Variants in GRIA4 observed in about 807,000 individuals in gnomAD.
GRIA4 encodes the protein glutamate receptor 4.
A neutral mutation model predicts 104.0 loss-of-function variants in GRIA4; 34 were observed. That is an observed-to-expected ratio of 0.33 (90% CI 0.25 to 0.44). GRIA4 has a LOEUF of 0.44. GRIA4 is among the 20% of genes least tolerant of loss of function. The probability of loss-of-function intolerance (pLI) is 1.00; values close to 1 mark genes in which losing one functional copy is unlikely to be tolerated. For synonymous variants in GRIA4, 386 were observed against 381.9 expected (o/e 1.01, Z -0.13); for missense variants, 750 against 1,096.5 (o/e 0.68, Z 4.46).
intron 14 of GRIA4, among the ~76,000 whole-genome samples, chr11:105,955,915 GTCT>G (rs1390685069): frequency 6.6e-6 from 1 of 152,066 alleles, no homozygotes; most frequent in Non-Finnish European, 1.5e-5. Flanking sequence ...CTGTGTAAAT[GTCT>G]TCTTTTGAGA....
At chr11:105,763,048 CTTAAG>C (rs1198109552) in intron 4 of GRIA4, among the ~76,000 whole-genome samples, 2 of 152,050 alleles carry the variant, frequency 1.3e-5, no homozygotes, top group African/African-American at 4.8e-5. Flanking sequence ...ATGGTGCTAA[CTTAAG>C]TTGAGTAAGA....
intron 4 of GRIA4, among the ~76,000 whole-genome samples, chr11:105,776,269 T>G (rs952361891): frequency 6.6e-6 from 1 of 152,146 alleles, no homozygotes; most frequent in Non-Finnish European, 1.5e-5. Context: ...TTTATTACAC[T>G]ATTATTTATG....
intron 4 of GRIA4, among the ~76,000 whole-genome samples, chr11:105,756,163 C>A (rs1005081264): frequency 2.0e-5 from 3 of 152,106 alleles, no homozygotes; most frequent in Non-Finnish European, 4.4e-5. Context: ...AGGAGGATGA[C>A]AAAGCAGATA....
At position 105,794,469 on chromosome 11, in the gene GRIA4, G is replaced by GTATATATATATATATA. The variant is rs1200611859; in HGVS notation, c.487+41252_487+41253insATATATATATATATAT. 1.5e-3 allele frequency among the ~76,000 whole-genome samples: 60 copies of GTATATATATATATATA among 40,754 alleles called. 9 individuals carry two copies. The highest frequency in any genetic ancestry group is 2.5e-3 in the East Asian group (3 of 1,182). The allele number at this position is 40,754 out of a possible 152,430, so 26.7% of individuals were successfully genotyped here. A position where few individuals can be genotyped will look rare whatever the true frequency, so the allele number is the denominator to read the frequency against. Reference sequence around the variant, plus strand: ...TGTGTGTGTCTGTGTGTGTGTATATGTATGTATATATATATATATATATAT... The same window carrying GTATATATATATATATA: ...TGTGTGTGTCTGTGTGTGTGTATATGTATATATATATATATATATGTATATATATATATATATATAT... On this transcript the variant is annotated intron_variant, in intron 4 of 16. Transcript: ENST00000282499.
At chr11:105,830,455 A>G (rs1943933040) in intron 4 of GRIA4, among the ~76,000 whole-genome samples, 1 of 152,042 alleles carries the variant, frequency 6.6e-6, no homozygotes, top group Non-Finnish European at 1.5e-5. Flanking sequence ...TGGAGGCTCC[A>G]CTTAAGATGA....
chr11:105,708,287 A>G (rs1267209557), intron 3 of GRIA4, among the ~76,000 whole-genome samples: 1 of 152,120 alleles, frequency 6.6e-6, no homozygotes, highest in African/African-American at 2.4e-5. Context: ...AATACCAGAA[A>G]CAAATGAGAT....
At chr11:105,954,766 GA>G (rs1948540851) in intron 14 of GRIA4, among the ~76,000 whole-genome samples, 2 of 151,772 alleles carry the variant, frequency 1.3e-5, no homozygotes, top group East Asian at 3.9e-4. Flanking sequence ...CCCCAATTTA[GA>G]AAAACCTGAT....
intron 3 of GRIA4, among the ~76,000 whole-genome samples, chr11:105,732,301 G>T (rs1938648426): frequency 6.6e-6 from 1 of 152,128 alleles, no homozygotes; most frequent in African/African-American, 2.4e-5. Context: ...GATGTGGGTG[G>T]CCCAAACATA....
intron 3 of GRIA4, among the ~76,000 whole-genome samples, chr11:105,737,265 C>T (rs563680040): frequency 6.6e-6 from 1 of 152,136 alleles, no homozygotes; most frequent in South Asian, 2.1e-4. Flanking sequence ...AATTTGAATA[C>T]AGCCAAAAAA....
intron 13 of GRIA4, among the ~76,000 whole-genome samples, chr11:105,928,317 G>C (rs1189581004): frequency 6.6e-6 from 1 of 151,936 alleles, no homozygotes; most frequent in African/African-American, 2.4e-5. Context: ...TATAATCTAA[G>C]ATGTATAAGT....
chr11:105,801,773 A>G, intron 4 of GRIA4, among the ~76,000 whole-genome samples: 1 of 152,256 alleles, frequency 6.6e-6, no homozygotes, highest in Middle Eastern at 3.4e-3. Context: ...AATAAGTGTT[A>G]TAATGAAAAT....
intron 3 of GRIA4, among the ~76,000 whole-genome samples, chr11:105,690,916 TC>T (rs1336693891): frequency 3.3e-5 from 5 of 152,232 alleles, no homozygotes; most frequent in African/African-American, 1.2e-4. Context: ...CCAATCTTTT[TC>T]TTCTTCCTCT....
intron 14 of GRIA4, among the ~76,000 whole-genome samples, chr11:105,937,763 G>GA (rs1186758918): frequency 6.6e-6 from 1 of 151,584 alleles, no homozygotes; most frequent in Non-Finnish European, 1.5e-5. Context: ...TTCTGTCACT[G>GA]AAAAAAAATA....
chr11:105,978,125 C>G lies in GRIA4; in HGVS notation c.2545-1450C>G, dbSNP rs569404411. On this transcript the variant is annotated intron_variant, in intron 16 of 16. Transcript: ENST00000282499. ...TTATGAATAATTTTAGTATATTATTCTATCAGTTTCATTTACAAGAAAGAT... is the reference window on the plus strand; with the variant it reads ...TTATGAATAATTTTAGTATATTATTGTATCAGTTTCATTTACAAGAAAGAT... Among the ~76,000 whole-genome samples, 32 of 152,056 alleles carry G rather than the reference C, an allele frequency of 2.1e-4. No individual in the cohort carries two copies. In the South Asian group the frequency reaches 4.8e-3, roughly 23 times the overall value.
intron 14 of GRIA4, among the ~76,000 whole-genome samples, chr11:105,967,935 TA>T (rs1858476865): frequency 6.6e-6 from 1 of 152,222 alleles, no homozygotes; most frequent in African/African-American, 2.4e-5. Flanking sequence ...AAACTTACCT[TA>T]CCCCTCCCAT....
chr11:105,805,478 G>GAAAAAAAAAAAAA lies in GRIA4; in HGVS notation c.487+52264_487+52276dup, dbSNP rs57123559. Among the ~76,000 whole-genome samples, 474 of 92,332 alleles carry GAAAAAAAAAAAAA rather than the reference G, an allele frequency of 5.1e-3. 2 individuals are homozygous for GAAAAAAAAAAAAA. The highest frequency in any genetic ancestry group is 0.017 in the African/African-American group (372 of 22,106). The allele number at this position is 92,332 out of a possible 152,430, so 60.6% of individuals were successfully genotyped here. ...GACCAAGTGGAGAGCAAGAAATCAG[G>GAAAAAAAAAAAAA]AAAAAAAAAAAAAAAAAACAAGCCA... On this transcript the variant is annotated intron_variant, in intron 4 of 16. Coordinates refer to ENST00000282499, the MANE Select transcript of GRIA4 (RefSeq NM_000829.4).
chr11:105,961,503 T>G (rs1342009235), intron 14 of GRIA4, among the ~76,000 whole-genome samples: 1 of 152,226 alleles, frequency 6.6e-6, no homozygotes, highest in Non-Finnish European at 1.5e-5. Context: ...TTAAATTTTA[T>G]ATAATGTAGT....
chr11:105,862,232 T>C (rs1565297081), intron 5 of GRIA4, 24 bp downstream of exon 5: 1 of 1,351,382 alleles, frequency 7.4e-7, no homozygotes, highest in East Asian at 2.3e-5. Flanking sequence ...TTTATATTTT[T>C]AACCTAGACC....
intron 4 of GRIA4, among the ~76,000 whole-genome samples, chr11:105,783,614 A>G (rs995822180): frequency 6.6e-5 from 10 of 152,224 alleles, no homozygotes; most frequent in Non-Finnish European, 1.2e-4. Context: ...TCTTCCTAAC[A>G]TAGTTGACAT....
Sources: allele counts gnomAD v4.1 joint callset (sites outside exome capture counted in the v4.1 genomes callset), GRCh38; gene constraint gnomAD v4.1.1; transcripts MANE v1.5; gene names NCBI Gene and HGNC (gene_info 2026-07-23, HGNC 2026-07-21).